GALNT13: variants seen among roughly 807,000 people sequenced by gnomAD.
GALNT13 encodes the protein UDP-GalNAc:polypeptide N-acetylgalactosaminyltransferase 13.
A neutral mutation model predicts 64.2 loss-of-function variants in GALNT13; 28 were observed. The observed-to-expected ratio is 0.44, with a 90% CI of 0.32 to 0.60. The LOEUF is 0.60. GALNT13 is among the 20% of genes least tolerant of loss of function. GALNT13 has a pLI of 0.05. For synonymous variants in GALNT13, 214 were observed against 224.6 expected (o/e 0.95, Z 0.42); for missense variants, 577 against 669.8 (o/e 0.86, Z 1.53).
chr2:153,178,968 C>T, the GALNT13 span, among the ~76,000 whole-genome samples: 2 of 151,872 alleles, frequency 1.3e-5, no homozygotes, highest in African/African-American at 4.8e-5. Context: ...GTCTTGATCT[C>T]CTGACCTCAG....
chr2:153,537,622 T>C, the GALNT13 span, among the ~76,000 whole-genome samples: 51 of 152,302 alleles, frequency 3.3e-4, no homozygotes, highest in Non-Finnish European at 6.5e-4. Context: ...ATTGTAGTTC[T>C]CATAATCCCT....
intron 1 of GALNT13, among the ~76,000 whole-genome samples, chr2:153,898,817 T>G (rs2105286743): frequency 6.8e-6 from 1 of 147,670 alleles, no homozygotes; most frequent in Admixed American, 6.9e-5. Context: ...ATACAGTTTT[T>G]GAGAATAATA....
At chr2:153,722,236 A>G in the GALNT13 span, among the ~76,000 whole-genome samples, 19 of 147,966 alleles carry the variant, frequency 1.3e-4, no homozygotes, top group African/African-American at 4.4e-4. Context: ...GAAGGCAGAA[A>G]TAAAGATGTA....
At chr2:153,371,418 A>G in the GALNT13 span, among the ~76,000 whole-genome samples, 1 of 152,186 alleles carries the variant, frequency 6.6e-6, no homozygotes, top group African/African-American at 2.4e-5. Flanking sequence ...TCTGCATAGA[A>G]AGTCTCAAAA....
intron 4 of GALNT13, among the ~76,000 whole-genome samples, chr2:154,156,377 A>G (rs1684423359): frequency 6.6e-6 from 1 of 152,112 alleles, no homozygotes; most frequent in South Asian, 2.1e-4. Flanking sequence ...AAGCTTACGT[A>G]GCATAGTGAT....
At chr2:153,461,820 T>A in the GALNT13 span, among the ~76,000 whole-genome samples, 1 of 152,106 alleles carries the variant, frequency 6.6e-6, no homozygotes, top group South Asian at 2.1e-4. Context: ...TAAGATGCCA[T>A]GTGTGCTCCT....
the GALNT13 span, among the ~76,000 whole-genome samples, chr2:153,164,017 CAAAAAAAAA>C: frequency 9.7e-6 from 1 of 102,696 alleles, no homozygotes; most frequent in South Asian, 3.4e-4. Flanking sequence ...GGCTCCGTCT[CAAAAAAAAA>C]AAAAAAAAAT....
chr2:154,166,926 A>C (rs1018831550), intron 4 of GALNT13, among the ~76,000 whole-genome samples: 1 of 151,396 alleles, frequency 6.6e-6, no homozygotes, highest in African/African-American at 2.4e-5. Flanking sequence ...GAATTGAACA[A>C]TGAGAACACA....
the GALNT13 span, among the ~76,000 whole-genome samples, chr2:153,791,500 A>G: frequency 2.6e-5 from 4 of 152,188 alleles, no homozygotes; most frequent in Non-Finnish European, 5.9e-5. Context: ...TTCCTCAACC[A>G]TTGTGGAAAG....
the GALNT13 span, among the ~76,000 whole-genome samples, chr2:153,713,500 T>G: frequency 4.0e-3 from 616 of 152,274 alleles, 6 homozygotes; most frequent in East Asian, 0.027. Flanking sequence ...TGTCTTTTTT[T>G]TGTGTGTTGG....
At chr2:153,467,872 A>G in the GALNT13 span, among the ~76,000 whole-genome samples, 1 of 152,106 alleles carries the variant, frequency 6.6e-6, no homozygotes, top group Non-Finnish European at 1.5e-5. Flanking sequence ...ACCATATCAT[A>G]TGGTGATTTC....
At chr2:154,398,611 G>T (rs1699160361) in intron 10 of GALNT13, among the ~76,000 whole-genome samples, 1 of 152,202 alleles carries the variant, frequency 6.6e-6, no homozygotes, top group South Asian at 2.1e-4. Context: ...AAAAGAGGCA[G>T]TATGGTGTAT....
chr2:154,301,299 A>G (rs1200225708), intron 8 of GALNT13, 110 bp from the exon 9 acceptor site: 9 of 920,198 alleles, frequency 9.8e-6, no homozygotes, highest in Non-Finnish European at 1.5e-5. Flanking sequence ...TAAATTTTGC[A>G]TCAGATATTT....
At chr2:153,766,728 T>G in the GALNT13 span, among the ~76,000 whole-genome samples, 1 of 152,088 alleles carries the variant, frequency 6.6e-6, no homozygotes, top group Non-Finnish European at 1.5e-5. Flanking sequence ...TAAAATTTCT[T>G]TATTAGTGTT....
At chr2:154,164,971 G>C (rs1228384394) in intron 4 of GALNT13, among the ~76,000 whole-genome samples, 1 of 151,956 alleles carries the variant, frequency 6.6e-6, no homozygotes, top group African/African-American at 2.4e-5. Flanking sequence ...AGTCTTTACT[G>C]AATAACGATA....
rs547690400 is a variant in GALNT13 at position 154,236,940 on chromosome 2, G to T, written c.312-5090G>T. 5.6e-4 allele frequency among the ~76,000 whole-genome samples: 85 copies of T among 151,824 alleles called. 1 individual carries two copies. The highest frequency in any genetic ancestry group is 1.0e-3 in the Non-Finnish European group (68 of 67,812). ...ATATATATTTGAATGCAAGATTAAG[G>T]CACATTTTAATATGCTTTATTTGTT... On this transcript the variant is annotated intron_variant, in intron 4 of 12. Coordinates refer to ENST00000392825, the MANE Select transcript of GALNT13 (RefSeq NM_052917.4).
chr2:153,753,929 T>G, the GALNT13 span, among the ~76,000 whole-genome samples: 1 of 152,256 alleles, frequency 6.6e-6, no homozygotes, highest in Non-Finnish European at 1.5e-5. Context: ...AACTACAAGA[T>G]AGAGCATTTC....
intron 3 of GALNT13, among the ~76,000 whole-genome samples, chr2:154,139,140 A>T (rs1036500782): frequency 3.3e-5 from 5 of 152,014 alleles, no homozygotes; most frequent in African/African-American, 7.2e-5. Context: ...GACTCATGCC[A>T]TTACAAAGTC....
chr2:154,157,608 GC>G (rs1197375010), intron 4 of GALNT13, among the ~76,000 whole-genome samples: 1 of 152,170 alleles, frequency 6.6e-6, no homozygotes. Context: ...TCTAGCGAAT[GC>G]TTATCGTGGA....
Sources: gnomAD v4.1 joint callset for allele counts (sites outside exome capture counted in the v4.1 genomes callset) on GRCh38, gnomAD v4.1.1 for gene constraint, MANE v1.5 for transcripts, NCBI Gene and HGNC (gene_info 2026-07-23, HGNC 2026-07-21) for gene names.